R3HCC1L: variants seen among roughly 807,000 people sequenced by gnomAD.
R3HCC1L encodes the protein coiled-coil domain-containing protein R3HCC1L.
A neutral mutation model predicts 59.9 loss-of-function variants in R3HCC1L; 51 were observed. The observed-to-expected ratio is 0.85, with a 90% CI of 0.68 to 1.07. The LOEUF (loss-of-function observed/expected upper bound fraction) is 1.07, where lower values mean the gene tolerates loss of function less well. Ranked by LOEUF, R3HCC1L falls within the 50% of genes least tolerant of loss-of-function variation. R3HCC1L has a pLI of 0.00. For synonymous variants in R3HCC1L, 322 were observed against 315.2 expected (o/e 1.02, Z -0.23); for missense variants, 965 against 933.0 (o/e 1.03, Z -0.45).
intron 4 of R3HCC1L, among the ~76,000 whole-genome samples, chr10:98,192,463 A>G (rs2025626): frequency 0.32 from 48,669 of 151,988 alleles, 7,978 homozygotes; most frequent in East Asian, 0.48. Context: ...GAAAAAGGAG[A>G]CATTGCAACT....
intron 5 of R3HCC1L, among the ~76,000 whole-genome samples, chr10:98,230,865 A>G (rs1024728550): frequency 1.3e-5 from 2 of 152,160 alleles, no homozygotes; most frequent in Non-Finnish European, 2.9e-5. Flanking sequence ...ATAGGACGGT[A>G]GAATTTTAAT....
intron 4 of R3HCC1L, among the ~76,000 whole-genome samples, chr10:98,202,257 GCTA>G (rs1852135661): frequency 6.6e-6 from 1 of 152,136 alleles, no homozygotes; most frequent in African/African-American, 2.4e-5. Context: ...AATTTAGGAT[GCTA>G]CCTGGTTTTG....
At chr10:98,229,078 G>A (rs1441760722) in intron 5 of R3HCC1L, among the ~76,000 whole-genome samples, 5 of 151,924 alleles carry the variant, frequency 3.3e-5, no homozygotes, top group African/African-American at 9.7e-5. Flanking sequence ...CTCTTTTTTG[G>A]TTCCATATGA....
chr10:98,191,960 G>A (rs1388331059), intron 4 of R3HCC1L, among the ~76,000 whole-genome samples: 5 of 152,110 alleles, frequency 3.3e-5, no homozygotes, highest in Non-Finnish European at 5.9e-5. Flanking sequence ...AAGTAGCTGG[G>A]ATTACAGGCA....
At chr10:98,175,253 T>C (rs1305012682) in intron 4 of R3HCC1L, among the ~76,000 whole-genome samples, 1 of 152,150 alleles carries the variant, frequency 6.6e-6, no homozygotes, top group East Asian at 1.9e-4. Context: ...AATCAGAAAT[T>C]AAAGGGTCAG....
intron 4 of R3HCC1L, among the ~76,000 whole-genome samples, chr10:98,178,990 A>T (rs966000669): frequency 2.6e-5 from 4 of 152,182 alleles, no homozygotes; most frequent in Non-Finnish European, 4.4e-5. Flanking sequence ...TTCTAAATAT[A>T]CAATCATGTC....
intron 5 of R3HCC1L, among the ~76,000 whole-genome samples, chr10:98,225,475 C>CA (rs963146106): frequency 1.5e-3 from 223 of 150,794 alleles, no homozygotes; most frequent in African/African-American, 2.9e-3. Context: ...CCTATCTCCA[C>CA]AAAAAAAAAT....
At chr10:98,151,551 A>T (rs1198042619) in intron 1 of R3HCC1L, among the ~76,000 whole-genome samples, 2 of 152,182 alleles carry the variant, frequency 1.3e-5, no homozygotes, top group Non-Finnish European at 2.9e-5. Flanking sequence ...AAAATTAGTT[A>T]TGTTCCTATA....
Position 98,167,689 on chromosome 10 carries a change from A to G in R3HCC1L, c.-15+4292A>G, listed in dbSNP as rs77242912. Among the ~76,000 whole-genome samples, 111 of 152,314 alleles carry G rather than the reference A, an allele frequency of 7.3e-4. 1 individual carries two copies. The East Asian group carries it at 0.02, about 28-fold the overall frequency. ...CTTACAGTAGTAGTTAGATGCAGGG[A>G]CTTTGAAATCCAATCCACGGACTTT... On this transcript the variant is annotated intron_variant, in intron 4 of 9. Transcript: ENST00000298999.
At chr10:98,202,876 A>G (rs1488586998) in intron 4 of R3HCC1L, among the ~76,000 whole-genome samples, 2 of 150,934 alleles carry the variant, frequency 1.3e-5, no homozygotes, top group African/African-American at 2.4e-5. Context: ...AAAAAAATAG[A>G]GTGGGGAGGG....
At chr10:98,217,467 C>A (rs990905309) in intron 5 of R3HCC1L, among the ~76,000 whole-genome samples, 1 of 152,074 alleles carries the variant, frequency 6.6e-6, no homozygotes, top group Admixed American at 6.6e-5. Flanking sequence ...CAGATTTATT[C>A]TTTTTGCTCA....
chr10:98,233,582 A>G (rs1856613539), intron 6 of R3HCC1L, among the ~76,000 whole-genome samples: 1 of 152,186 alleles, frequency 6.6e-6, no homozygotes, highest in Admixed American at 6.6e-5. Flanking sequence ...TAGCTTCAAG[A>G]GAGGTTAAAC....
intron 1 of R3HCC1L, among the ~76,000 whole-genome samples, chr10:98,155,781 A>G (rs1285850660): frequency 2.0e-5 from 3 of 151,474 alleles, no homozygotes; most frequent in South Asian, 2.1e-4. Flanking sequence ...TGTATGTACA[A>G]TGCTATCTTT....
At chr10:98,214,335 C>A (rs1853918523) in intron 5 of R3HCC1L, among the ~76,000 whole-genome samples, 2 of 152,038 alleles carry the variant, frequency 1.3e-5, no homozygotes, top group Non-Finnish European at 2.9e-5. Context: ...TGAGATATGG[C>A]ATGTGGAGTA....
chr10:98,211,706 G>A (rs867774575), intron 5 of R3HCC1L, among the ~76,000 whole-genome samples: 4 of 152,186 alleles, frequency 2.6e-5, no homozygotes, highest in South Asian at 2.1e-4. Flanking sequence ...AATGGATGGC[G>A]TTGATAGGGC....
intron 4 of R3HCC1L, chr10:98,174,602 T>C (rs1848816551): frequency 1.0e-6 from 1 of 984,900 alleles, no homozygotes; most frequent in Admixed American, 6.2e-5. Flanking sequence ...TAAACACAAC[T>C]CATTTAGGAG....
intron 1 of R3HCC1L, among the ~76,000 whole-genome samples, chr10:98,152,768 G>A (rs936977066): frequency 2.0e-5 from 3 of 148,976 alleles, no homozygotes; most frequent in Non-Finnish European, 4.5e-5. Context: ...CGCCCCGTCT[G>A]AGAAGTGAGG....
chr10:98,204,343 TGTG>T (rs1852388514), intron 4 of R3HCC1L, among the ~76,000 whole-genome samples: 1 of 151,826 alleles, frequency 6.6e-6, no homozygotes, highest in Admixed American at 6.6e-5. Flanking sequence ...AGGCAGAGGT[TGTG>T]GTGAGCCAAG....
At chr10:98,211,496 G>A (rs935061631) in intron 5 of R3HCC1L, 2 of 1,136,320 alleles carry the variant, frequency 1.8e-6, no homozygotes, top group African/African-American at 1.6e-5. Context: ...TGAATATAGA[G>A]ATGTTATTAA....
Sources: allele counts gnomAD v4.1 joint callset (sites outside exome capture counted in the v4.1 genomes callset), GRCh38; gene constraint gnomAD v4.1.1; transcripts MANE v1.5; gene names NCBI Gene and HGNC (gene_info 2026-07-23, HGNC 2026-07-21).